The following OMA1 variants were observed in gnomAD, a reference collection of about 807,000 sequenced individuals.
OMA1 encodes the protein metalloendopeptidase OMA1, mitochondrial.
OMA1 carries 38 observed loss-of-function variants against 30.9 expected under a neutral mutation model. That is an observed-to-expected ratio of 1.23 (90% confidence interval 0.95 to 1.61). OMA1 has a LOEUF of 1.61. OMA1 is among the 40% of genes most tolerant of loss of function. The pLI is 0.00. For missense variants in OMA1, 461 were observed against 349.2 expected (o/e 1.32, Z -2.55); for synonymous variants, 173 against 121.9 (o/e 1.42, Z -2.76).
chr1:58,534,863 G>A (rs1439126867), intron 3 of OMA1, among the ~76,000 whole-genome samples: 1 of 152,220 alleles, frequency 6.6e-6, no homozygotes, highest in East Asian at 1.9e-4. Context: ...TTGAGTCTAG[G>A]AGGTGGAGGT....
intron 8 of OMA1, among the ~76,000 whole-genome samples, chr1:58,500,992 T>A (rs1422122420): frequency 6.6e-6 from 1 of 152,218 alleles, no homozygotes; most frequent in Non-Finnish European, 1.5e-5. Flanking sequence ...AAAACTGTCA[T>A]ACTATTAAAC....
intron 8 of OMA1, among the ~76,000 whole-genome samples, chr1:58,499,635 G>A (rs74478635): frequency 0.025 from 3,878 of 152,224 alleles, 80 homozygotes; most frequent in Middle Eastern, 0.041. Context: ...AAATTGCTAA[G>A]AGAATAGATT....
chr1:58,545,373 C>CTT (rs1646684589), intron 1 of OMA1, among the ~76,000 whole-genome samples: 1 of 152,158 alleles, frequency 6.6e-6, no homozygotes, highest in Non-Finnish European at 1.5e-5. Context: ...CACTGACAAC[C>CTT]AAGTGTCGTT....
At chr1:58,495,816 A>G (rs1645791025) in intron 8 of OMA1, among the ~76,000 whole-genome samples, 2 of 152,206 alleles carry the variant, frequency 1.3e-5, no homozygotes, top group African/African-American at 4.8e-5. Flanking sequence ...AGCAAGAAGT[A>G]TAAGAACTTA....
chr1:58,505,711 C>T (rs1179605589), intron 8 of OMA1, among the ~76,000 whole-genome samples: 1 of 152,014 alleles, frequency 6.6e-6, no homozygotes, highest in Admixed American at 6.6e-5. Context: ...TAACAAAAAG[C>T]TTAAATCACC....
intron 7 of OMA1, among the ~76,000 whole-genome samples, chr1:58,515,094 G>A (rs1646139231): frequency 6.6e-6 from 1 of 152,046 alleles, no homozygotes; most frequent in Non-Finnish European, 1.5e-5. Flanking sequence ...ACCTCCACAG[G>A]TTCATCATTT....
At chr1:58,488,951 T>C (rs954869779) in intron 8 of OMA1, among the ~76,000 whole-genome samples, 1 of 152,230 alleles carries the variant, frequency 6.6e-6, no homozygotes, top group Non-Finnish European at 1.5e-5. Flanking sequence ...TACTTGAAAA[T>C]ATATTCCTGC....
At chr1:58,511,636 A>AAC (rs371601891) in intron 7 of OMA1, among the ~76,000 whole-genome samples, 99 of 151,140 alleles carry the variant, frequency 6.6e-4, no homozygotes, top group African/African-American at 1.7e-3. Flanking sequence ...CTCAAAAACG[A>AAC]ACACACACAC....
At chr1:58,526,195 T>C (rs1569952365) in intron 7 of OMA1, among the ~76,000 whole-genome samples, 1 of 152,110 alleles carries the variant, frequency 6.6e-6, no homozygotes, top group East Asian at 1.9e-4. Context: ...ACAGCCAATC[T>C]GTGGCCCCCT....
intron 5 of OMA1, among the ~76,000 whole-genome samples, chr1:58,531,693 T>G (rs966499981): frequency 7.8e-5 from 11 of 140,490 alleles, no homozygotes; most frequent in Non-Finnish European, 1.4e-4. Context: ...AATGTGTGTT[T>G]TGAAAAACAA....
intron 8 of OMA1, among the ~76,000 whole-genome samples, chr1:58,489,654 T>A (rs1645641784): frequency 6.6e-6 from 1 of 152,106 alleles, no homozygotes; most frequent in Non-Finnish European, 1.5e-5. Context: ...CTCAAGTGGG[T>A]CCCTGACCCC....
At chr1:58,500,923 GTC>G (rs930631508) in intron 8 of OMA1, among the ~76,000 whole-genome samples, 22 of 152,194 alleles carry the variant, frequency 1.4e-4, no homozygotes, top group Admixed American at 1.2e-3. Context: ...TAAATAAGGT[GTC>G]TCTTTCAACG....
intron 8 of OMA1, among the ~76,000 whole-genome samples, chr1:58,491,814 T>C (rs1166315044): frequency 2.0e-5 from 3 of 151,704 alleles, no homozygotes; most frequent in Admixed American, 1.3e-4. Flanking sequence ...ACAATAATAA[T>C]GGGAGACTTT....
intron 8 of OMA1, among the ~76,000 whole-genome samples, chr1:58,494,240 T>C (rs1645753003): frequency 6.6e-6 from 1 of 152,218 alleles, no homozygotes. Context: ...ACTGGATCCC[T>C]TCCTTACACC....
intron 1 of OMA1, among the ~76,000 whole-genome samples, chr1:58,541,047 C>T (rs895633844): frequency 2.2e-4 from 34 of 151,864 alleles, no homozygotes; most frequent in African/African-American, 6.5e-4. Context: ...TGGTGGCTCA[C>T]GCCTGTAATC....
chr1:58,488,867 G>T (rs181540128), intron 8 of OMA1, among the ~76,000 whole-genome samples: 1 of 152,214 alleles, frequency 6.6e-6, no homozygotes, highest in South Asian at 2.1e-4. Context: ...TTATCAGTGA[G>T]AACATAACAT....
At chr1:58,520,888 TACAAAAAAAA>T (rs773954693) in intron 7 of OMA1, among the ~76,000 whole-genome samples, 16 of 151,644 alleles carry the variant, frequency 1.1e-4, no homozygotes, top group Non-Finnish European at 1.8e-4. Context: ...TCTTGATAAC[TACAAAAAAAA>T]GGAAAAAAAA....
chr1:58,546,552 T>C (rs1343920357), intron 1 of OMA1, 151 bp downstream of exon 1: 2 of 114,254 alleles, frequency 1.8e-5, no homozygotes, highest in Non-Finnish European at 3.6e-5. Flanking sequence ...CCTCCTCCCG[T>C]ACCCCCATCC....
intron 8 of OMA1, among the ~76,000 whole-genome samples, chr1:58,483,580 T>C (rs2100353890): frequency 6.6e-6 from 1 of 152,356 alleles, no homozygotes; most frequent in East Asian, 1.9e-4. Flanking sequence ...AAGATTTCCT[T>C]ATATCTAGTG....
Sources: gnomAD v4.1 joint callset for allele counts (sites outside exome capture counted in the v4.1 genomes callset) on GRCh38, gnomAD v4.1.1 for gene constraint, MANE v1.5 for transcripts, NCBI Gene and HGNC (gene_info 2026-07-23, HGNC 2026-07-21) for gene names.